The following ZDHHC2 variants were observed in gnomAD, a reference collection of about 807,000 sequenced individuals.
ZDHHC2 encodes the protein palmitoyltransferase ZDHHC2.
In ZDHHC2, 51 loss-of-function variants were observed where a neutral mutation model predicts 55.6. The observed-to-expected ratio is 0.92, with a 90% CI of 0.73 to 1.16. The LOEUF is 1.16. ZDHHC2 is among the 50% of genes most tolerant of loss of function. The pLI is 0.00. For missense variants in ZDHHC2, 491 were observed against 442.4 expected (o/e 1.11, Z -0.99); for synonymous variants, 199 against 152.9 (o/e 1.30, Z -2.22).
chr8:17,181,124 C>G (rs1265077804), intron 1 of ZDHHC2, among the ~76,000 whole-genome samples: 1 of 151,966 alleles, frequency 6.6e-6, no homozygotes, highest in African/African-American at 2.4e-5. Flanking sequence ...ATAGAAATAA[C>G]TTTTCTCTTG....
rs1410180394 is a variant in ZDHHC2 at position 17,156,782 on chromosome 8, G to A, written c.59G>A (p.Trp20Ter). Reference sequence around the variant, plus strand: ...CGGCGGTGCCGGCGGGTGCTGTACTGGATCCCGGTGGTGTTCATCACCCTC... The same window carrying A: ...CGGCGGTGCCGGCGGGTGCTGTACTAGATCCCGGTGGTGTTCATCACCCTC... Reference protein sequence around the residue: ...ARRRCRRVLYWIPVVFITLLL... With the variant: ...ARRRCRRVLY Residue 20 changes from tryptophan (W) to a stop codon, truncating the protein, a stop_gained, in exon 1 of 13, where the codon TGG (tryptophan) becomes TAG (stop). Coordinates refer to ENST00000262096, the MANE Select transcript of ZDHHC2 (RefSeq NM_016353.5). LOFTEE classifies it high-confidence loss of function. The A allele has an allele frequency of 6.6e-7, 1 of 1,519,976 alleles. No individual in the cohort carries two copies. The highest frequency in any genetic ancestry group is 1.2e-5 in the South Asian group (1 of 81,448). The allele number at this position is 1,519,976 out of a possible 1,614,324, so 94.2% of individuals were successfully genotyped here. A position where few individuals can be genotyped will look rare whatever the true frequency, so the allele number is the denominator to read the frequency against.
At chr8:17,193,281 T>G (rs1008065245) in intron 3 of ZDHHC2, among the ~76,000 whole-genome samples, 1 of 152,188 alleles carries the variant, frequency 6.6e-6, no homozygotes, top group Non-Finnish European at 1.5e-5. Flanking sequence ...TCTTACAGAC[T>G]GGTAGATGTG....
intron 4 of ZDHHC2, among the ~76,000 whole-genome samples, chr8:17,196,515 C>G (rs1248153921): frequency 6.6e-6 from 1 of 151,714 alleles, no homozygotes; most frequent in African/African-American, 2.4e-5. Flanking sequence ...GGTTGCACCA[C>G]TGCACTGCCG....
intron 6 of ZDHHC2, among the ~76,000 whole-genome samples, chr8:17,201,744 C>A (rs1247974490): frequency 2.0e-5 from 3 of 151,506 alleles, no homozygotes; most frequent in Non-Finnish European, 2.9e-5. Context: ...GATCCACCCG[C>A]CTCAGCCTCC....
chr8:17,161,817 A>C (rs1052619522), intron 1 of ZDHHC2, among the ~76,000 whole-genome samples: 3 of 152,156 alleles, frequency 2.0e-5, no homozygotes, highest in African/African-American at 7.2e-5. Context: ...CCGAGATCAC[A>C]CCACTGCACT....
chr8:17,210,756 TAAAAG>T (rs951936375), intron 10 of ZDHHC2, among the ~76,000 whole-genome samples: 13 of 152,166 alleles, frequency 8.5e-5, no homozygotes, highest in African/African-American at 2.9e-4. Context: ...ATGTAGTGCT[TAAAAG>T]AAAAAAAAAT....
chr8:17,215,087 T>A (rs1164228680), intron 10 of ZDHHC2, 150 bp from the exon 11 acceptor site: 1 of 639,830 alleles, frequency 1.6e-6, no homozygotes, highest in Non-Finnish European at 2.7e-6. Flanking sequence ...CTATTTAATG[T>A]CTTATTCTTG....
chr8:17,174,027 A>G (rs946466411), intron 1 of ZDHHC2, among the ~76,000 whole-genome samples: 2 of 151,808 alleles, frequency 1.3e-5, no homozygotes, highest in Non-Finnish European at 2.9e-5. Context: ...AGCAAAGGAG[A>G]GAGACCTAGG....
At chr8:17,196,473 G>A (rs1298305545) in intron 4 of ZDHHC2, among the ~76,000 whole-genome samples, 1 of 152,026 alleles carries the variant, frequency 6.6e-6, no homozygotes. Flanking sequence ...AGGATTGCTT[G>A]AGCCCAGGAG....
intron 1 of ZDHHC2, among the ~76,000 whole-genome samples, chr8:17,160,533 C>T (rs17687019): frequency 0.053 from 8,051 of 152,306 alleles, 367 homozygotes; most frequent in East Asian, 0.14. Context: ...AGTTACCTAG[C>T]GGAGGTGTCA....
At position 17,190,144 on chromosome 8, in the gene ZDHHC2, A is replaced by G. The variant is rs557439539; in HGVS notation, c.252+3719A>G. ...GTTTTGTATATGAGGTACATAAGCT[A>G]TTAGCTGATAAAATATATACCAATA... On this transcript the variant is annotated intron_variant, in intron 3 of 12. Coordinates refer to ENST00000262096, the MANE Select transcript of ZDHHC2 (RefSeq NM_016353.5). Among the ~76,000 whole-genome samples, 4 of 152,232 alleles carry G rather than the reference A, an allele frequency of 2.6e-5. No individual in the cohort carries two copies. In the South Asian group the frequency reaches 6.2e-4, roughly 24 times the overall value.
At chr8:17,161,336 C>A (rs912409759) in intron 1 of ZDHHC2, among the ~76,000 whole-genome samples, 1 of 152,102 alleles carries the variant, frequency 6.6e-6, no homozygotes, top group Non-Finnish European at 1.5e-5. Flanking sequence ...TAAACTATTA[C>A]TTTAAAAACT....
intron 1 of ZDHHC2, among the ~76,000 whole-genome samples, chr8:17,164,913 G>A (rs1804528415): frequency 6.6e-6 from 1 of 152,200 alleles, no homozygotes. Flanking sequence ...AGTACATGGA[G>A]TAAGGTGACT....
At chr8:17,203,422 G>A (rs1333992805) in intron 6 of ZDHHC2, among the ~76,000 whole-genome samples, 8 of 151,954 alleles carry the variant, frequency 5.3e-5, no homozygotes, top group African/African-American at 9.7e-5. Flanking sequence ...AGTAGAGACG[G>A]GTTTTCACCA....
chr8:17,205,241 C>T (rs1248510313), intron 6 of ZDHHC2, among the ~76,000 whole-genome samples: 1 of 152,130 alleles, frequency 6.6e-6, no homozygotes, highest in East Asian at 1.9e-4. Context: ...GATATTCCAT[C>T]TAATTTGGGA....
At chr8:17,197,289 A>G (rs1806366208) in intron 4 of ZDHHC2, among the ~76,000 whole-genome samples, 1 of 152,166 alleles carries the variant, frequency 6.6e-6, no homozygotes, top group Non-Finnish European at 1.5e-5. Context: ...ATTTTGATTA[A>G]CATGGACATA....
rs572461922 is a variant in ZDHHC2 at position 17,195,733 on chromosome 8, T to G, written c.373+109T>G. ...AAATGGTAAAACACTCATTTCAGAA[T>G]GCTGTGTTATTTCTTGGATTGCTGT... On this transcript the variant is annotated intron_variant, in intron 4 of 12. Coordinates refer to ENST00000262096, the MANE Select transcript of ZDHHC2 (RefSeq NM_016353.5). The G allele has an allele frequency of 2.8e-6, 4 of 1,415,304 alleles. No individual in the cohort carries two copies. In the East Asian group the frequency reaches 9.4e-5, roughly 33 times the overall value. The allele number at this position is 1,415,304 out of a possible 1,614,324, so 87.7% of individuals were successfully genotyped here.
chr8:17,208,568 T>C (rs1807218400), intron 8 of ZDHHC2, among the ~76,000 whole-genome samples: 1 of 152,048 alleles, frequency 6.6e-6, no homozygotes, highest in Non-Finnish European at 1.5e-5. Flanking sequence ...ATGCTGATGA[T>C]CATAAAGGAC....
At chr8:17,190,781 G>A (rs903434250) in intron 3 of ZDHHC2, among the ~76,000 whole-genome samples, 1 of 151,820 alleles carries the variant, frequency 6.6e-6, no homozygotes, top group African/African-American at 2.4e-5. Flanking sequence ...ATACAGGCAT[G>A]CAATGTGTAA....
Sources: allele counts gnomAD v4.1 joint callset (sites outside exome capture counted in the v4.1 genomes callset), GRCh38; gene constraint gnomAD v4.1.1; transcripts MANE v1.5; gene names NCBI Gene and HGNC (gene_info 2026-07-23, HGNC 2026-07-21).